Variants in NF2 observed in about 807,000 individuals in gnomAD.
NF2 encodes merlin.
In NF2, 8 loss-of-function variants were observed where a neutral mutation model predicts 83.7. That is an observed-to-expected ratio of 0.10 (90% CI 0.06 to 0.17). NF2 has a LOEUF of 0.17. NF2 is among the 10% of genes least tolerant of loss of function. The pLI, the probability that NF2 is intolerant of heterozygous loss-of-function variation, is 1.00. For synonymous variants in NF2, 266 were observed against 269.6 expected, an observed-to-expected ratio of 0.99 and a Z score of 0.13; for missense variants, 533 against 744.4, an observed-to-expected ratio of 0.72 and a Z score of 3.31.
At chr22:29,679,991 C>T (rs192991720) in intron 14 of NF2, among the ~76,000 whole-genome samples, 491 of 152,212 alleles carry the variant, frequency 3.2e-3, no homozygotes, top group South Asian at 5.6e-3. Context: ...TAATCAGCCC[C>T]TTTTTGCTGC....
chr22:29,638,337 T>C (rs1601582018), intron 2 of NF2, among the ~76,000 whole-genome samples: 1 of 151,872 alleles, frequency 6.6e-6, no homozygotes, highest in Admixed American at 6.6e-5. Flanking sequence ...TAGTTCATCA[T>C]CTCTAAGCTG....
In NF2 at chr22:29,658,241, G is replaced by A. The variant is rs776818377; in HGVS notation, c.652G>A (p.Gly218Ser). 19 of 1,614,142 alleles carry A rather than the reference G, an allele frequency of 1.2e-5. No individual in the cohort carries two copies. The African/African-American group carries it at 1.3e-4, about 11-fold the overall frequency. ...GATAGCTCAGGACCTGGAGATGTAC[G>A]GTGTGAACTACTTTGCAATCCGGGT... ...LKIAQDLEMYGVNYFAIRNKK... is the reference protein window; with the variant it reads ...LKIAQDLEMYSVNYFAIRNKK... The change falls in exon 7 of 16, where the codon GGT becomes AGT. Residue 218 changes from glycine to serine, a missense_variant. Coordinates refer to ENST00000338641, the MANE Select transcript of NF2 (RefSeq NM_000268.4).
chr22:29,622,905 C>T (rs1235581045), intron 1 of NF2, among the ~76,000 whole-genome samples: 1 of 149,850 alleles, frequency 6.7e-6, no homozygotes, highest in Non-Finnish European at 1.5e-5. Context: ...CAGCCTGCCT[C>T]GGCCTCCCAA....
intron 4 of NF2, among the ~76,000 whole-genome samples, chr22:29,643,728 C>T (rs2065881637): frequency 6.6e-6 from 1 of 152,246 alleles, no homozygotes; most frequent in Non-Finnish European, 1.5e-5. Context: ...ATTTCTCAAT[C>T]TTTTCCCCAC....
At chr22:29,605,653 T>C (rs1052949285) in intron 1 of NF2, among the ~76,000 whole-genome samples, 1 of 152,080 alleles carries the variant, frequency 6.6e-6, no homozygotes, top group African/African-American at 2.4e-5. Flanking sequence ...CCTCCGGCAA[T>C]GGTCCTGAGG....
intron 14 of NF2, among the ~76,000 whole-genome samples, chr22:29,678,866 C>T (rs939878388): frequency 6.6e-6 from 1 of 152,194 alleles, no homozygotes; most frequent in African/African-American, 2.4e-5. Flanking sequence ...GCTGAGCTGC[C>T]CTCCGTCTTC....
Position 29,694,859 on chromosome 22 carries a change from T to G in NF2, c.*57T>G, listed in dbSNP as rs1219585042. On this transcript the variant is annotated 3_prime_UTR_variant, in exon 16 of 16. Coordinates refer to ENST00000338641, the MANE Select transcript of NF2 (RefSeq NM_000268.4). The surrounding 1 kb of genome is among the most constrained non-coding windows in gnomAD (Gnocchi z 4.1). ...TTCTCCTGCTACCGGGACCGCGGGA[T>G]GGACCAGATATCAAGAGAGCCATCC... 9.0e-6 allele frequency: 14 copies of G among 1,561,222 alleles called. No homozygotes were observed. Among genetic ancestry groups the G allele is most frequent in the Admixed American group, 3.5e-5 (2 of 57,130 alleles).
chr22:29,678,163 C>G (rs745975281), intron 13 of NF2, 33 bp from the exon 14 acceptor site: 2 of 1,612,864 alleles, frequency 1.2e-6, no homozygotes, highest in East Asian at 2.2e-5. Context: ...CTTGTATGAC[C>G]CAAGCTCCTA....
At chr22:29,624,835 T>G (rs910131750) in intron 1 of NF2, among the ~76,000 whole-genome samples, 1 of 150,008 alleles carries the variant, frequency 6.7e-6, no homozygotes, top group Non-Finnish European at 1.5e-5. Flanking sequence ...CTTTCTTTCT[T>G]TCTTTCTTTC....
At position 29,694,903 on chromosome 22, in the gene NF2, G is replaced by C; in HGVS notation, c.*101G>C. On this transcript the variant is annotated 3_prime_UTR_variant, in exon 16 of 16. Coordinates refer to ENST00000338641, the MANE Select transcript of NF2 (RefSeq NM_000268.4). The surrounding 1 kb of genome is among the most constrained non-coding windows in gnomAD (Gnocchi z 4.1). Reference sequence around the variant, plus strand: ...GCCATCCATAGGGAGCTGGCTGGGGGTTTCCGTGGGAGCTCCAGAACTTTC... The same window carrying C: ...GCCATCCATAGGGAGCTGGCTGGGGCTTTCCGTGGGAGCTCCAGAACTTTC... 2 of 1,245,704 alleles carry C rather than the reference G, an allele frequency of 1.6e-6. No individual in the cohort carries two copies. The allele number at this position is 1,245,704 out of a possible 1,614,324, so 77.2% of individuals were successfully genotyped here. A position where few individuals can be genotyped will look rare whatever the true frequency, so the allele number is the denominator to read the frequency against.
At chr22:29,681,748 C>A in intron 15 of NF2, 147 bp downstream of exon 15, 1 of 925,292 alleles carries the variant, frequency 1.1e-6, no homozygotes, top group Non-Finnish European at 1.7e-6. Flanking sequence ...TTAACTTATG[C>A]CAGAAAGGGA....
intron 1 of NF2, among the ~76,000 whole-genome samples, chr22:29,610,491 A>G (rs2064921963): frequency 6.6e-6 from 1 of 151,976 alleles, no homozygotes; most frequent in Non-Finnish European, 1.5e-5. Flanking sequence ...AAAAATACAA[A>G]AATTAGCCGA....
intron 15 of NF2, among the ~76,000 whole-genome samples, chr22:29,691,721 G>A (rs1424616734): frequency 1.3e-5 from 2 of 152,208 alleles, no homozygotes; most frequent in Non-Finnish European, 1.5e-5. Flanking sequence ...CTGGAGGGGC[G>A]AGACAGTGCC....
At chr22:29,622,646 A>ATGTTTTTTTTT (rs2065242604) in intron 1 of NF2, among the ~76,000 whole-genome samples, 1 of 63,260 alleles carries the variant, frequency 1.6e-5, no homozygotes, top group Non-Finnish European at 3.0e-5. Flanking sequence ...AAGACCCTGT[A>ATGTTTTTTTTT]TTTTTTTTTT....
chr22:29,624,234 A>G (rs1162690327), intron 1 of NF2, among the ~76,000 whole-genome samples: 1 of 151,942 alleles, frequency 6.6e-6, no homozygotes, highest in African/African-American at 2.4e-5. Flanking sequence ...TTTAGACGGA[A>G]TCTCCCTCTG....
At chr22:29,666,670 A>C (rs970864818) in intron 9 of NF2, among the ~76,000 whole-genome samples, 2 of 151,974 alleles carry the variant, frequency 1.3e-5, no homozygotes, top group Non-Finnish European at 2.9e-5. Context: ...AAAATAAATA[A>C]AATTTTTAAA....
In NF2 at chr22:29,695,595, C is replaced by T. The variant is rs562778105; in HGVS notation, c.*793C>T. 3.1e-4 allele frequency: 72 copies of T among 235,156 alleles called. 1 individual carries two copies. Among genetic ancestry groups the T allele is most frequent in the Non-Finnish European group, 4.5e-4 (54 of 119,372 alleles). 14.6% of individuals were successfully genotyped at this position (235,156 alleles called of 1,614,324 possible). On this transcript the variant is annotated 3_prime_UTR_variant, in exon 16 of 16. Transcript: ENST00000338641. The surrounding 1 kb of genome is among the most constrained non-coding windows in gnomAD (Gnocchi z 5.4). ...AGCCACTCATGTCTTCCCCATTGCC[C>T]GACGCCCATAGACGCTCCTTCCTGT...
intron 15 of NF2, among the ~76,000 whole-genome samples, chr22:29,693,359 C>T (rs924984866): frequency 7.2e-5 from 11 of 152,226 alleles, no homozygotes; most frequent in Non-Finnish European, 1.5e-4. Context: ...CCCCACATTC[C>T]GCTTGTTAGT....
chr22:29,667,850 ATTC>A (rs1312299473), intron 9 of NF2, among the ~76,000 whole-genome samples: 1 of 152,130 alleles, frequency 6.6e-6, no homozygotes, highest in African/African-American at 2.4e-5. Context: ...TCATAAAGAT[ATTC>A]TTCTATATTG....
Sources: gnomAD v4.1 joint callset for allele counts (sites outside exome capture counted in the v4.1 genomes callset) on GRCh38, gnomAD v4.1.1 for gene constraint, Gnocchi (gnomAD v3.1) non-coding constraint, MANE v1.5 for transcripts, NCBI Gene and HGNC (gene_info 2026-07-23, HGNC 2026-07-21) for gene names.